Variants in CNTNAP4 observed in about 807,000 individuals in gnomAD.
CNTNAP4 encodes contactin-associated protein-like 4.
In CNTNAP4, 98 loss-of-function variants were observed where a neutral mutation model predicts 148.4. That is an observed-to-expected ratio of 0.66 (90% CI 0.56 to 0.78). CNTNAP4 has a LOEUF of 0.78. CNTNAP4 is among the 30% of genes least tolerant of loss of function. The pLI, the probability that CNTNAP4 is intolerant of heterozygous loss-of-function variation, is 0.00. For synonymous variants in CNTNAP4, 730 were observed against 565.1 expected (o/e 1.29, Z -4.14); for missense variants, 1,935 against 1,565.6 (o/e 1.24, Z -3.98).
chr16:76,488,472 C>T (rs1333110462), intron 12 of CNTNAP4, among the ~76,000 whole-genome samples: 1 of 152,158 alleles, frequency 6.6e-6, no homozygotes, highest in Admixed American at 6.5e-5. Flanking sequence ...TAGCCTGCCT[C>T]TCTAATCCAA....
At chr16:76,315,621 G>T (rs147328792) in intron 1 of CNTNAP4, among the ~76,000 whole-genome samples, 5 of 151,676 alleles carry the variant, frequency 3.3e-5, no homozygotes, top group African/African-American at 4.9e-5. Flanking sequence ...TTGAGACAGC[G>T]TCTTACTCCG....
chr16:76,551,407 AT>A lies in CNTNAP4; in HGVS notation c.3443-1875del, dbSNP rs1230711440. On this transcript the variant is annotated intron_variant, in intron 21 of 23. Transcript: ENST00000611870. ...AGTGAGAGTCTGTTAAAAAAAAAAT[AT>A]ATATATATATATATTAGAGCTCAGA... 1.6e-3 allele frequency among the ~76,000 whole-genome samples: 184 copies of A among 118,562 alleles called. 2 individuals are homozygous for A. Among genetic ancestry groups the A allele is most frequent in the African/African-American group, 5.1e-3 (145 of 28,286 alleles). The allele number at this position is 118,562 out of a possible 152,430, so 77.8% of individuals were successfully genotyped here.
chr16:76,480,294 G>A (rs1357981424), intron 12 of CNTNAP4, among the ~76,000 whole-genome samples: 9 of 152,006 alleles, frequency 5.9e-5, no homozygotes. Context: ...TTTTATTTTT[G>A]TATATCAGCA....
intron 15 of CNTNAP4, among the ~76,000 whole-genome samples, chr16:76,508,229 C>T (rs1299988970): frequency 1.3e-5 from 1 of 76,058 alleles, no homozygotes; most frequent in African/African-American, 2.9e-5. Flanking sequence ...TAGTAAGAGA[C>T]ATGAATACAT....
chr16:76,477,638 A>T (rs2081641609), intron 11 of CNTNAP4, among the ~76,000 whole-genome samples: 1 of 152,170 alleles, frequency 6.6e-6, no homozygotes, highest in Non-Finnish European at 1.5e-5. Context: ...GTGCCTCATA[A>T]GATTTTTATG....
At chr16:76,364,709 C>T (rs1176582916) in intron 3 of CNTNAP4, among the ~76,000 whole-genome samples, 1 of 152,144 alleles carries the variant, frequency 6.6e-6, no homozygotes, top group Non-Finnish European at 1.5e-5. Flanking sequence ...AGGACCTAGA[C>T]AAAACTAATA....
intron 15 of CNTNAP4, among the ~76,000 whole-genome samples, chr16:76,505,444 A>C (rs1268861641): frequency 6.1e-5 from 6 of 97,576 alleles, no homozygotes; most frequent in African/African-American, 1.5e-4. Flanking sequence ...ATAGGAACAG[A>C]AAAAGGATCT....
At chr16:76,405,570 A>G (rs185970162) in intron 3 of CNTNAP4, among the ~76,000 whole-genome samples, 1 of 151,548 alleles carries the variant, frequency 6.6e-6, no homozygotes, top group Non-Finnish European at 1.5e-5. Context: ...TAAGAAAATC[A>G]TAAGGAAGAG....
intron 3 of CNTNAP4, among the ~76,000 whole-genome samples, chr16:76,410,281 A>G (rs1358552180): frequency 6.6e-6 from 1 of 151,826 alleles, no homozygotes; most frequent in Non-Finnish European, 1.5e-5. Flanking sequence ...ATTTTTTGTG[A>G]ACATGAAATA....
intron 2 of CNTNAP4, among the ~76,000 whole-genome samples, chr16:76,351,409 G>A (rs888121978): frequency 2.7e-5 from 4 of 150,790 alleles, no homozygotes; most frequent in South Asian, 2.1e-4. Flanking sequence ...TATCTCTATC[G>A]CTCAGTCTAT....
intron 3 of CNTNAP4, among the ~76,000 whole-genome samples, chr16:76,357,794 A>G (rs538591669): frequency 3.2e-4 from 48 of 152,306 alleles, no homozygotes; most frequent in African/African-American, 1.2e-3. Context: ...TCTATTTAAT[A>G]CCAATTTAAT....
At chr16:76,319,670 C>A (rs928319195) in intron 2 of CNTNAP4, among the ~76,000 whole-genome samples, 14 of 152,032 alleles carry the variant, frequency 9.2e-5, no homozygotes, top group African/African-American at 3.4e-4. Flanking sequence ...TGGAGACATA[C>A]AGAGACAGGA....
At chr16:76,453,886 C>A (rs1052181042) in intron 8 of CNTNAP4, among the ~76,000 whole-genome samples, 1 of 151,860 alleles carries the variant, frequency 6.6e-6, no homozygotes, top group Non-Finnish European at 1.5e-5. Flanking sequence ...GGTAGATTTG[C>A]TGGCTAGACA....
intron 3 of CNTNAP4, among the ~76,000 whole-genome samples, chr16:76,408,981 C>G (rs185810659): frequency 1.3e-5 from 2 of 151,896 alleles, no homozygotes; most frequent in Non-Finnish European, 2.9e-5. Context: ...TTCAAACCTG[C>G]GGGAACAAAG....
intron 3 of CNTNAP4, among the ~76,000 whole-genome samples, chr16:76,358,996 C>T (rs911008434): frequency 1.3e-5 from 2 of 152,148 alleles, no homozygotes; most frequent in African/African-American, 4.8e-5. Flanking sequence ...CTCTGTGAAT[C>T]GCTAATTGCT....
intron 10 of CNTNAP4, among the ~76,000 whole-genome samples, chr16:76,474,886 G>GA (rs1045955408): frequency 3.3e-5 from 5 of 151,916 alleles, no homozygotes; most frequent in Admixed American, 2.6e-4. Flanking sequence ...GGAGCCTTTT[G>GA]AAAAAAATAA....
At chr16:76,398,719 A>T (rs988630515) in intron 3 of CNTNAP4, among the ~76,000 whole-genome samples, 1 of 152,186 alleles carries the variant, frequency 6.6e-6, no homozygotes, top group African/African-American at 2.4e-5. Flanking sequence ...CCAACACATG[A>T]TACTATCCAA....
At chr16:76,453,352 C>T (rs187891186) in intron 8 of CNTNAP4, among the ~76,000 whole-genome samples, 71 of 152,240 alleles carry the variant, frequency 4.7e-4, no homozygotes, top group Non-Finnish European at 6.8e-4. Flanking sequence ...CTAGGCAATA[C>T]GGTATTGTTT....
chr16:76,339,423 A>G (rs1964285859), intron 2 of CNTNAP4, among the ~76,000 whole-genome samples: 1 of 152,116 alleles, frequency 6.6e-6, no homozygotes, highest in South Asian at 2.1e-4. Context: ...CATTAATTTA[A>G]ATTTTAAGAT....
Sources: allele counts gnomAD v4.1 joint callset (sites outside exome capture counted in the v4.1 genomes callset), GRCh38; gene constraint gnomAD v4.1.1; transcripts MANE v1.5; gene names NCBI Gene and HGNC (gene_info 2026-07-23, HGNC 2026-07-21).